Variants in PTPRT observed in about 807,000 individuals in gnomAD.
PTPRT encodes receptor-type tyrosine-protein phosphatase T.
A neutral mutation model predicts 176.8 loss-of-function variants in PTPRT; 56 were observed. The ratio of observed to expected loss-of-function variants is 0.32; its 90% CI spans 0.26 to 0.40. PTPRT has a LOEUF of 0.40. Ranked by LOEUF, PTPRT falls within the 10% of genes least tolerant of loss-of-function variation. The probability of loss-of-function intolerance (pLI) is 1.00; values close to 1 mark genes in which losing one functional copy is unlikely to be tolerated. For missense variants in PTPRT, 1,540 were observed against 1,908.2 expected, an observed-to-expected ratio of 0.81 and a Z score of 3.60; for synonymous variants, 783 against 739.0, an observed-to-expected ratio of 1.06 and a Z score of -0.96.
intron 16 of PTPRT, among the ~76,000 whole-genome samples, chr20:42,169,086 C>T (rs1989961761): frequency 6.6e-6 from 1 of 152,124 alleles, no homozygotes; most frequent in African/African-American, 2.4e-5. Context: ...AAAAGAAATG[C>T]TTCCAATTTT....
At chr20:42,166,880 C>T (rs377540555) in intron 16 of PTPRT, among the ~76,000 whole-genome samples, 56 of 151,746 alleles carry the variant, frequency 3.7e-4, no homozygotes, top group African/African-American at 1.3e-3. Context: ...AAGATGGTGC[C>T]ATTGCACTCC....
At chr20:42,461,050 G>A (rs886269367) in intron 8 of PTPRT, among the ~76,000 whole-genome samples, 2 of 152,104 alleles carry the variant, frequency 1.3e-5, no homozygotes, top group Non-Finnish European at 1.5e-5. Context: ...TAAATAGGCC[G>A]GGCATGGTGG....
At chr20:42,321,466 A>G (rs941052339) in intron 11 of PTPRT, among the ~76,000 whole-genome samples, 3 of 152,172 alleles carry the variant, frequency 2.0e-5, no homozygotes, top group Admixed American at 2.0e-4. Flanking sequence ...TGATATTTAT[A>G]CCTGTATAGC....
In PTPRT at chr20:42,595,823, G is replaced by T. The variant is rs1277560488; in HGVS notation, c.1153+82043C>A. Among the ~76,000 whole-genome samples the T allele has an allele frequency of 3.3e-5, 5 of 152,190 alleles. No individual in the cohort carries two copies. In the East Asian group the frequency reaches 9.7e-4, roughly 29 times the overall value. On this transcript the variant is annotated intron_variant, in intron 7 of 30. Coordinates refer to ENST00000373187, the MANE Select transcript of PTPRT (RefSeq NM_007050.6). ...GTTGCAAGGACAAACACTTCTCCTG[G>T]CACCTCACCCCCACACCTGCCTAGA...
At chr20:42,973,619 C>T (rs1982783052) in intron 1 of PTPRT, among the ~76,000 whole-genome samples, 1 of 152,228 alleles carries the variant, frequency 6.6e-6, no homozygotes, top group African/African-American at 2.4e-5. Flanking sequence ...CTACCTGGAA[C>T]AGTATCTGGC....
chr20:42,770,448 C>T (rs1011035678), intron 5 of PTPRT, among the ~76,000 whole-genome samples: 5 of 152,288 alleles, frequency 3.3e-5, no homozygotes, highest in East Asian at 3.9e-4. Flanking sequence ...TAACAAGTTA[C>T]GTTTTAGTTC....
chr20:42,302,079 A>T (rs918607309), intron 12 of PTPRT, among the ~76,000 whole-genome samples: 1 of 151,778 alleles, frequency 6.6e-6, no homozygotes, highest in Admixed American at 6.6e-5. Context: ...TACATTCCTT[A>T]TTTTTTTTGA....
intron 2 of PTPRT, among the ~76,000 whole-genome samples, chr20:42,841,254 A>G (rs879290205): frequency 5.3e-5 from 8 of 152,186 alleles, no homozygotes; most frequent in Non-Finnish European, 8.8e-5. Flanking sequence ...TAAAATCTGC[A>G]TTTGTCTGGA....
intron 16 of PTPRT, among the ~76,000 whole-genome samples, chr20:42,181,593 G>T (rs1459418618): frequency 2.0e-5 from 3 of 152,148 alleles, no homozygotes; most frequent in Non-Finnish European, 4.4e-5. Flanking sequence ...GGTCCTCATT[G>T]TCCCAGCAAT....
intron 12 of PTPRT, among the ~76,000 whole-genome samples, chr20:42,284,314 G>T (rs929308846): frequency 6.6e-6 from 1 of 151,906 alleles, no homozygotes. Flanking sequence ...AAAAGTATTG[G>T]TTAGAAGCCT....
chr20:42,091,877 T>C (rs537730324), intron 27 of PTPRT, among the ~76,000 whole-genome samples: 11 of 152,200 alleles, frequency 7.2e-5, no homozygotes, highest in Admixed American at 6.5e-4. Flanking sequence ...AGCTCCATAA[T>C]ACAATCTCCA....
At chr20:43,017,761 G>A (rs1409907330) in intron 1 of PTPRT, among the ~76,000 whole-genome samples, 1 of 152,218 alleles carries the variant, frequency 6.6e-6, no homozygotes, top group Non-Finnish European at 1.5e-5. Flanking sequence ...CCTATCTTGA[G>A]CAATAGATGC....
intron 7 of PTPRT, among the ~76,000 whole-genome samples, chr20:42,658,309 GC>G (rs2075162737): frequency 6.6e-6 from 1 of 152,140 alleles, no homozygotes; most frequent in Admixed American, 6.5e-5. Context: ...ACAGCCAGCA[GC>G]CCTGTAACTC....
intron 1 of PTPRT, among the ~76,000 whole-genome samples, chr20:42,926,493 G>A (rs534587856): frequency 6.6e-5 from 10 of 152,290 alleles, no homozygotes; most frequent in South Asian, 2.1e-4. Flanking sequence ...AGGACGACAC[G>A]GGGGACATAA....
chr20:42,166,935 A>AG (rs1212890682), intron 16 of PTPRT, among the ~76,000 whole-genome samples: 6 of 148,430 alleles, frequency 4.0e-5, no homozygotes, highest in Admixed American at 2.7e-4. Context: ...AAAAAAAAAA[A>AG]GGGGGGTCTG....
intron 27 of PTPRT, among the ~76,000 whole-genome samples, chr20:42,095,408 C>T (rs1394595601): frequency 1.3e-5 from 2 of 152,200 alleles, no homozygotes; most frequent in Non-Finnish European, 2.9e-5. Flanking sequence ...GGCCTCTGTG[C>T]TGTTCCTCAA....
intron 11 of PTPRT, among the ~76,000 whole-genome samples, chr20:42,337,605 G>A (rs1476926404): frequency 6.6e-6 from 1 of 152,136 alleles, no homozygotes; most frequent in African/African-American, 2.4e-5. Context: ...TTCTCAGACT[G>A]TACACACATG....
At chr20:43,143,285 A>T (rs781677292) in intron 1 of PTPRT, among the ~76,000 whole-genome samples, 1 of 152,188 alleles carries the variant, frequency 6.6e-6, no homozygotes, top group Non-Finnish European at 1.5e-5. Flanking sequence ...TCAACTTTCC[A>T]GAGTCTTCAG....
chr20:42,210,313 G>A (rs28788595), intron 15 of PTPRT, among the ~76,000 whole-genome samples: 32,782 of 151,836 alleles, frequency 0.22, 4,015 homozygotes, highest in African/African-American at 0.31. Context: ...TGAGGCAGGA[G>A]AAGGAAATAA....
Sources: gnomAD v4.1 joint callset for allele counts (sites outside exome capture counted in the v4.1 genomes callset) on GRCh38, gnomAD v4.1.1 for gene constraint, MANE v1.5 for transcripts, NCBI Gene and HGNC (gene_info 2026-07-23, HGNC 2026-07-21) for gene names.